Variants in PVT1 observed in about 807,000 individuals in gnomAD.
PVT1 encodes the protein Pvt1 oncogene, also known as CXCR4/PVT1 fusion.
intron 3 of PVT1, among the ~76,000 whole-genome samples, chr8:127,895,475 A>G (rs1815663796): frequency 6.6e-6 from 1 of 152,068 alleles, no homozygotes; most frequent in Admixed American, 6.5e-5. Context: ...CATCTCCCAA[A>G]TAAATAAATA....
At chr8:127,990,245 T>G (rs1232216677) in intron 4 of PVT1, among the ~76,000 whole-genome samples, 1 of 152,170 alleles carries the variant, frequency 6.6e-6, no homozygotes, top group African/African-American at 2.4e-5. Context: ...ATGTCTCCAC[T>G]ATACCATGGC....
At chr8:127,841,288 T>C (rs1814970712) in intron 2 of PVT1, among the ~76,000 whole-genome samples, 1 of 152,208 alleles carries the variant, frequency 6.6e-6, no homozygotes, top group Admixed American at 6.5e-5. Flanking sequence ...TTTTTTTATT[T>C]TTCTTGAGAC....
intron 6 of PVT1, among the ~76,000 whole-genome samples, chr8:128,100,057 G>A (rs73365904): frequency 0.029 from 4,472 of 151,804 alleles, 233 homozygotes; most frequent in African/African-American, 0.1. Flanking sequence ...AGCAAACCTG[G>A]GTTTAAATGC....
chr8:127,814,964 T>C (rs1341829661), intron 2 of PVT1, among the ~76,000 whole-genome samples: 1 of 152,124 alleles, frequency 6.6e-6, no homozygotes, highest in East Asian at 1.9e-4. Flanking sequence ...GTAAACTTTT[T>C]TTTATTTTTT....
chr8:127,985,075 C>T (rs1164800904), intron 3 of PVT1, among the ~76,000 whole-genome samples: 1 of 143,960 alleles, frequency 6.9e-6, no homozygotes, highest in Non-Finnish European at 1.5e-5. Context: ...ACTCTGTCGC[C>T]GAGGCTGGAG....
At chr8:128,091,104 C>T (rs911191534) in intron 5 of PVT1, among the ~76,000 whole-genome samples, 1 of 152,086 alleles carries the variant, frequency 6.6e-6, no homozygotes, top group Non-Finnish European at 1.5e-5. Context: ...GTGAGTGCTC[C>T]GTGAATGTTA....
Position 128,083,277 on chromosome 8 carries a change from C to T in PVT1, n.1114+12916C>T, listed in dbSNP as rs187296789. Among the ~76,000 whole-genome samples the T allele has an allele frequency of 5.1e-3, 779 of 152,276 alleles. 4 individuals carry two copies. Among genetic ancestry groups the T allele is most frequent in the Middle Eastern group, 0.014 (4 of 294 alleles). On this transcript the variant is annotated intron_variant and non_coding_transcript_variant, in intron 5 of 10. Transcript: ENST00000651587. The stretch of plus-strand genomic sequence containing the variant: ...ATAAAATGATTAGAACATCGCTTGG[C>T]GCATTGTAATTGGCTGCAGATGTGC...
chr8:127,885,266 G>C (rs1216587476), intron 2 of PVT1, among the ~76,000 whole-genome samples: 4 of 152,060 alleles, frequency 2.6e-5, no homozygotes, highest in Admixed American at 6.5e-5. Context: ...GAGAATGATA[G>C]ATCCGTCAAG....
intron 3 of PVT1, among the ~76,000 whole-genome samples, chr8:127,963,325 C>T (rs577325599): frequency 6.6e-6 from 1 of 152,286 alleles, no homozygotes; most frequent in East Asian, 1.9e-4. Flanking sequence ...TGGGGTTTGC[C>T]ATTTGTGTGT....
At chr8:127,930,226 A>T (rs1036954011) in intron 3 of PVT1, among the ~76,000 whole-genome samples, 1 of 152,134 alleles carries the variant, frequency 6.6e-6, no homozygotes, top group Admixed American at 6.6e-5. Flanking sequence ...GCATGATCTT[A>T]GCTCACTACA....
chr8:128,037,695 GAC>G (rs1379840587), intron 4 of PVT1, among the ~76,000 whole-genome samples: 1 of 152,190 alleles, frequency 6.6e-6, no homozygotes, highest in Non-Finnish European at 1.5e-5. Context: ...GCCTCCGTGG[GAC>G]ACAGAGCTTC....
At chr8:127,886,520 G>A (rs1815526131) in intron 2 of PVT1, among the ~76,000 whole-genome samples, 1 of 151,808 alleles carries the variant, frequency 6.6e-6, no homozygotes, top group African/African-American at 2.4e-5. Flanking sequence ...ATTTTTTTCT[G>A]TTATTCAGAT....
At chr8:127,997,063 TTG>T (rs1211428785) in intron 4 of PVT1, among the ~76,000 whole-genome samples, 5 of 136,296 alleles carry the variant, frequency 3.7e-5, no homozygotes, top group East Asian at 2.2e-4. Flanking sequence ...TTTTGTTTGT[TTG>T]TTTTTTGATA....
rs575212109 is a variant in PVT1, at chr8:128,091,257, T to C, written n.1115-5261T>C. On this transcript the variant is annotated intron_variant and non_coding_transcript_variant, in intron 5 of 10. Transcript: ENST00000651587. The stretch of plus-strand genomic sequence containing the variant: ...TTCTCCTGTCCCAAGGTTGCCCTGG[T>C]GCTCTGCAGTGGCAGGGCTGAGATG... Among the ~76,000 whole-genome samples the C allele has an allele frequency of 2.6e-5, 4 of 152,278 alleles. No individual in the cohort carries two copies. In the South Asian group the frequency reaches 8.3e-4, roughly 32 times the overall value.
At chr8:128,002,241 T>A (rs763496031) in intron 4 of PVT1, among the ~76,000 whole-genome samples, 3 of 152,202 alleles carry the variant, frequency 2.0e-5, no homozygotes, top group Non-Finnish European at 4.4e-5. Flanking sequence ...TGATTCCCCA[T>A]GGCCAGGGGC....
At chr8:127,887,931 GTTTTTTTTTTTTTTT>G (rs560976785) in intron 2 of PVT1, among the ~76,000 whole-genome samples, 2 of 66,580 alleles carry the variant, frequency 3.0e-5, no homozygotes, top group African/African-American at 6.5e-5. Flanking sequence ...ACTCTATCTT[GTTTTTTTTTTTTTTT>G]TTTTTTTTTT....
chr8:127,922,770 C>G (rs1816077908), intron 3 of PVT1, among the ~76,000 whole-genome samples: 1 of 152,190 alleles, frequency 6.6e-6, no homozygotes, highest in Non-Finnish European at 1.5e-5. Flanking sequence ...TAGCCCAGGC[C>G]CATCTCTTTA....
rs75540434 is a variant in PVT1, at chr8:127,921,854, G to T, written n.782+30856G>T. 3.6e-3 allele frequency among the ~76,000 whole-genome samples: 259 copies of T among 71,860 alleles called. 1 individual carries two copies. Among genetic ancestry groups the T allele is most frequent in the African/African-American group, 7.6e-3 (126 of 16,494 alleles). The allele number at this position is 71,860 out of a possible 152,430, so 47.1% of individuals were successfully genotyped here. On this transcript the variant is annotated intron_variant and non_coding_transcript_variant, in intron 3 of 10. Coordinates refer to ENST00000651587, the Ensembl canonical transcript of PVT1. ...AAAAAAATTATAATTTTTGGTTCAT[G>T]TTTTTTTTTTTTTTTTTTTTTTTTG...
intron 4 of PVT1, among the ~76,000 whole-genome samples, chr8:128,026,315 TA>T (rs1260227118): frequency 4.2e-5 from 6 of 143,558 alleles, no homozygotes; most frequent in Admixed American, 2.7e-4. Flanking sequence ...TTTTTATTTG[TA>T]TTTTTTTTTT....
Sources: gnomAD v4.1 joint callset for allele counts (sites outside exome capture counted in the v4.1 genomes callset) on GRCh38, gnomAD v4.1.1 for gene constraint, MANE v1.5 for transcripts, NCBI Gene and HGNC (gene_info 2026-07-23, HGNC 2026-07-21) for gene names.